CDH12: variants seen among roughly 807,000 people sequenced by gnomAD.
The protein encoded by CDH12 is cadherin-12.
Under a neutral mutation model 74.1 loss-of-function variants are expected in CDH12, and 41 were observed. The ratio of observed to expected loss-of-function variants is 0.55; its 90% confidence interval spans 0.43 to 0.72. The LOEUF is 0.72. Ranked by LOEUF, CDH12 falls within the 30% of genes least tolerant of loss-of-function variation. CDH12 has a pLI of 0.00. For synonymous variants in CDH12, 399 were observed against 355.0 expected, an observed-to-expected ratio of 1.12 and a Z score of -1.39; for missense variants, 945 against 977.2, an observed-to-expected ratio of 0.97 and a Z score of 0.44.
chr5:21,781,964 CAAAT>C (rs752919290), intron 11 of CDH12, among the ~76,000 whole-genome samples: 4 of 152,092 alleles, frequency 2.6e-5, no homozygotes, highest in Non-Finnish European at 5.9e-5. Flanking sequence ...AAAATTGTGA[CAAAT>C]AATTTTTCAT....
At chr5:21,891,249 G>T (rs7442940) in intron 6 of CDH12, among the ~76,000 whole-genome samples, 8 of 152,052 alleles carry the variant, frequency 5.3e-5, no homozygotes, top group Admixed American at 2.6e-4. Flanking sequence ...ATACACTCCT[G>T]GAGTTTTGAT....
intron 1 of CDH12, among the ~76,000 whole-genome samples, chr5:22,757,604 A>G (rs1745994495): frequency 6.6e-6 from 1 of 152,218 alleles, no homozygotes; most frequent in South Asian, 2.1e-4. Flanking sequence ...ATGGATACTT[A>G]ACAATACTTC....
chr5:22,199,577 T>C (rs1750808835), intron 4 of CDH12, among the ~76,000 whole-genome samples: 1 of 152,198 alleles, frequency 6.6e-6, no homozygotes. Flanking sequence ...GATCAGAGCA[T>C]AATTGGACCT....
Position 22,378,699 on chromosome 5 carries a change from T to C in CDH12, c.-333+26558A>G, listed in dbSNP as rs190937467. On this transcript the variant is annotated intron_variant, in intron 3 of 14. Coordinates refer to ENST00000382254, the MANE Select transcript of CDH12 (RefSeq NM_004061.5). Reference sequence around the variant, plus strand: ...CTCTTTATATGAGCCAATAATCTTTTCTAAATTTAAAAATAAAATCAATAG... The same window carrying C: ...CTCTTTATATGAGCCAATAATCTTTCCTAAATTTAAAAATAAAATCAATAG... Among the ~76,000 whole-genome samples, 468 of 152,224 alleles carry C rather than the reference T, an allele frequency of 3.1e-3. 6 individuals carry two copies. The highest frequency in any genetic ancestry group is 0.011 in the African/African-American group (451 of 41,580).
chr5:22,535,334 T>A (rs1348540985), intron 1 of CDH12, among the ~76,000 whole-genome samples: 1 of 151,924 alleles, frequency 6.6e-6, no homozygotes, highest in East Asian at 1.9e-4. Context: ...TTTTTTGTAT[T>A]TTTAGTAGAG....
chr5:22,552,340 C>T (rs1405670662), intron 1 of CDH12, among the ~76,000 whole-genome samples: 2 of 152,002 alleles, frequency 1.3e-5, no homozygotes, highest in Non-Finnish European at 2.9e-5. Context: ...CTAAGCATTA[C>T]AGGTCCCTGC....
In CDH12 at chr5:21,854,666, T is replaced by C. The variant is rs775405771; in HGVS notation, c.646+5A>G. The C allele has an allele frequency of 6.3e-7, 1 of 1,592,792 alleles. No homozygotes were observed. Among genetic ancestry groups the C allele is most frequent in the South Asian group, 1.1e-5 (1 of 87,642 alleles). The stretch of plus-strand genomic sequence containing the variant: ...TGATAATGTTGCCTCTAATAAAAAA[T>C]TTACCTGTCTTGGGATCAATAGAGA... On this transcript the variant is annotated splice_donor_5th_base_variant and intron_variant, in intron 7 of 14. Transcript: ENST00000382254.
chr5:22,275,453 C>T (rs1423045835), intron 3 of CDH12, among the ~76,000 whole-genome samples: 5 of 151,882 alleles, frequency 3.3e-5, no homozygotes, highest in South Asian at 4.2e-4. Flanking sequence ...GAAAATGAAA[C>T]GGGTGCTTTT....
At chr5:22,390,090 G>T (rs1434869724) in intron 3 of CDH12, among the ~76,000 whole-genome samples, 1 of 151,856 alleles carries the variant, frequency 6.6e-6, no homozygotes, top group Non-Finnish European at 1.5e-5. Context: ...TAGCATCCTT[G>T]AAGACAAACA....
intron 5 of CDH12, among the ~76,000 whole-genome samples, chr5:21,990,878 C>G (rs1398486208): frequency 6.6e-6 from 1 of 151,000 alleles, no homozygotes; most frequent in Non-Finnish European, 1.5e-5. Flanking sequence ...GTCTTTGGGA[C>G]TAGCATTTAA....
intron 8 of CDH12, among the ~76,000 whole-genome samples, chr5:21,839,681 C>G (rs1364936341): frequency 6.6e-6 from 1 of 152,070 alleles, no homozygotes; most frequent in African/African-American, 2.4e-5. Flanking sequence ...AGCTAAATAT[C>G]TTCAATATTA....
intron 1 of CDH12, among the ~76,000 whole-genome samples, chr5:22,557,190 G>T (rs1230385440): frequency 6.6e-6 from 1 of 152,018 alleles, no homozygotes; most frequent in Non-Finnish European, 1.5e-5. Flanking sequence ...TAATTAATTT[G>T]TTAAATACAT....
intron 1 of CDH12, among the ~76,000 whole-genome samples, chr5:22,613,001 C>T (rs941630813): frequency 6.6e-6 from 1 of 152,002 alleles, no homozygotes; most frequent in African/African-American, 2.4e-5. Flanking sequence ...TCCTTATTCA[C>T]TTTATCTGGA....
intron 5 of CDH12, among the ~76,000 whole-genome samples, chr5:22,007,614 C>T (rs540755518): frequency 6.0e-4 from 91 of 152,252 alleles, no homozygotes; most frequent in Middle Eastern, 3.4e-3. Context: ...AATCATAACA[C>T]TTTCTGGTTT....
intron 6 of CDH12, among the ~76,000 whole-genome samples, chr5:21,876,848 G>T (rs1443970162): frequency 6.6e-6 from 1 of 152,176 alleles, no homozygotes; most frequent in Non-Finnish European, 1.5e-5. Context: ...AGTTCCCTAA[G>T]ATTCAGGGCT....
At chr5:21,755,535 G>C in intron 14 of CDH12, 56 bp downstream of exon 14, 2 of 1,521,390 alleles carry the variant, frequency 1.3e-6, no homozygotes, top group Non-Finnish European at 1.8e-6. Context: ...AGAGAGAGGG[G>C]AAAAAAAGGA....
chr5:22,042,352 G>A (rs574964572), intron 5 of CDH12, among the ~76,000 whole-genome samples: 2 of 152,112 alleles, frequency 1.3e-5, no homozygotes, highest in African/African-American at 4.8e-5. Flanking sequence ...AAAAGATAGA[G>A]AAAGCTGTAT....
At chr5:21,941,928 C>T (rs1176344790) in intron 6 of CDH12, among the ~76,000 whole-genome samples, 1 of 151,852 alleles carries the variant, frequency 6.6e-6, no homozygotes, top group Non-Finnish European at 1.5e-5. Context: ...ACTAAAATGT[C>T]GACGTCCTAA....
chr5:22,499,892 A>G (rs1003449688), intron 2 of CDH12, among the ~76,000 whole-genome samples: 7 of 152,176 alleles, frequency 4.6e-5, no homozygotes, highest in African/African-American at 1.7e-4. Flanking sequence ...AGTTCTCCTT[A>G]ACTAAAATAG....
Sources: gnomAD v4.1 joint callset for allele counts (sites outside exome capture counted in the v4.1 genomes callset) on GRCh38, gnomAD v4.1.1 for gene constraint, MANE v1.5 for transcripts, NCBI Gene and HGNC (gene_info 2026-07-23, HGNC 2026-07-21) for gene names.